The following TTC23L variants were observed in gnomAD, a reference collection of about 807,000 sequenced individuals.
The protein encoded by TTC23L is tetratricopeptide repeat domain 23 like, also known as tetratricopeptide repeat protein 23-like.
Under a neutral mutation model 48.1 loss-of-function variants are expected in TTC23L, and 42 were observed. The observed-to-expected ratio is 0.87, with a 90% confidence interval of 0.68 to 1.13. The LOEUF is 1.13. TTC23L is among the 50% of genes most tolerant of loss of function. The pLI, the probability that TTC23L is intolerant of heterozygous loss-of-function variation, is 0.00. For synonymous variants in TTC23L, 159 were observed against 157.2 expected, an observed-to-expected ratio of 1.01 and a Z score of -0.09; for missense variants, 391 against 421.0, an observed-to-expected ratio of 0.93 and a Z score of 0.62.
At chr5:34,882,054 G>C (rs779927595) in intron 9 of TTC23L, among the ~76,000 whole-genome samples, 1 of 152,074 alleles carries the variant, frequency 6.6e-6, no homozygotes, top group Non-Finnish European at 1.5e-5. Flanking sequence ...GCACCCGGCC[G>C]GTTCAGAAGA....
At chr5:34,853,654 A>G (rs567574137) in intron 4 of TTC23L, among the ~76,000 whole-genome samples, 76 of 152,324 alleles carry the variant, frequency 5.0e-4, no homozygotes, top group African/African-American at 1.7e-3. Flanking sequence ...CCGTGTCATC[A>G]AAGCCAAGGG....
chr5:34,919,900 A>G, the TTC23L span: 1 of 1,006,772 alleles, frequency 9.9e-7, no homozygotes, highest in Non-Finnish European at 1.5e-6. Flanking sequence ...TTGGAAAGTA[A>G]TTGCAACAAA....
the TTC23L span, chr5:34,913,534 A>C: frequency 6.2e-7 from 1 of 1,605,312 alleles, no homozygotes; most frequent in African/African-American, 1.3e-5. Flanking sequence ...TAATTCGAAA[A>C]GTAACAGACT....
At chr5:34,892,262 A>G (rs1403727706) in intron 9 of TTC23L, among the ~76,000 whole-genome samples, 1 of 152,194 alleles carries the variant, frequency 6.6e-6, no homozygotes. Context: ...TTTCATTGCT[A>G]GGAGCCCGAA....
intron 8 of TTC23L, among the ~76,000 whole-genome samples, chr5:34,877,138 C>T (rs1225439128): frequency 6.6e-6 from 1 of 152,178 alleles, no homozygotes; most frequent in Non-Finnish European, 1.5e-5. Context: ...GGATTTATCG[C>T]AGGTATGCAA....
intron 4 of TTC23L, chr5:34,860,647 T>C (rs1226569819): frequency 6.6e-6 from 1 of 151,266 alleles, no homozygotes; most frequent in African/African-American, 2.5e-5. Flanking sequence ...CCAGAGTCCA[T>C]TTTTCTCTTT....
chr5:34,860,921 C>T (rs766111164), intron 4 of TTC23L: 10 of 160,658 alleles, frequency 6.2e-5, no homozygotes, highest in Non-Finnish European at 1.1e-4. Flanking sequence ...GGTCAATGCC[C>T]ACATGGATAG....
chr5:34,842,173 ATATTT>A (rs1758736823), intron 2 of TTC23L, among the ~76,000 whole-genome samples: 1 of 152,258 alleles, frequency 6.6e-6, no homozygotes, highest in Admixed American at 6.5e-5. Flanking sequence ...TTTCAATACT[ATATTT>A]TATTTCAATA....
intron 1 of TTC23L, chr5:34,839,507 G>A: frequency 4.8e-6 from 2 of 419,996 alleles, no homozygotes; most frequent in South Asian, 9.9e-5. Context: ...GGGGCTCAGG[G>A]CCGTGCGGAA....
chr5:34,903,524 G>C (rs1403330302), downstream of TTC23L, among the ~76,000 whole-genome samples: 2 of 152,012 alleles, frequency 1.3e-5, no homozygotes, highest in Non-Finnish European at 2.9e-5. Context: ...CACTCTTGGT[G>C]GTATACATTC....
chr5:34,914,501 G>C, the TTC23L span: 2 of 606,456 alleles, frequency 3.3e-6, no homozygotes. Context: ...TTTGTTACCG[G>C]GAGAGAAAAA....
the TTC23L span, chr5:34,925,077 TG>T: frequency 2.7e-5 from 40 of 1,478,240 alleles, no homozygotes; most frequent in Non-Finnish European, 3.5e-5. Context: ...AAACTGAATT[TG>T]GTTTTTGCTG....
intron 9 of TTC23L, among the ~76,000 whole-genome samples, chr5:34,885,382 T>A (rs1762482548): frequency 6.6e-6 from 1 of 152,232 alleles, no homozygotes; most frequent in Non-Finnish European, 1.5e-5. Context: ...GTAAGATTTC[T>A]TGAATGATAA....
At chr5:34,846,573 AAAAATATAT>A (rs1759164666) in intron 3 of TTC23L, among the ~76,000 whole-genome samples, 1 of 114,704 alleles carries the variant, frequency 8.7e-6, no homozygotes, top group African/African-American at 4.1e-5. Flanking sequence ...AAAAAAAAAA[AAAAATATAT>A]ATATATATAT....
chr5:34,913,908 G>A, the TTC23L span: 23 of 452,688 alleles, frequency 5.1e-5, no homozygotes, highest in East Asian at 1.3e-3. Flanking sequence ...TATTGATACG[G>A]GGGTCTCACT....
the TTC23L span, among the ~76,000 whole-genome samples, chr5:34,910,818 A>G: frequency 6.6e-6 from 1 of 152,174 alleles, no homozygotes; most frequent in Non-Finnish European, 1.5e-5. Flanking sequence ...ATATTCTGAA[A>G]TATTTCAAAA....
At chr5:34,923,958 T>C in the TTC23L span, among the ~76,000 whole-genome samples, 263 of 152,340 alleles carry the variant, frequency 1.7e-3, 9 homozygotes, top group South Asian at 0.053. Flanking sequence ...ATCCATGAGA[T>C]ACTTGGGTTC....
chr5:34,880,705 C>A (rs957191607), intron 9 of TTC23L: 14 of 356,176 alleles, frequency 3.9e-5, no homozygotes, highest in Non-Finnish European at 6.9e-5. Context: ...GTGGGGCGAT[C>A]TCGGCTCACT....
the TTC23L span, chr5:34,915,034 G>A: frequency 1.2e-6 from 1 of 824,002 alleles, no homozygotes; most frequent in Admixed American, 2.6e-5. Context: ...GCTGAGAGGT[G>A]GAAAGGGGCT....
Sources: gnomAD v4.1 joint callset for allele counts (sites outside exome capture counted in the v4.1 genomes callset) on GRCh38, gnomAD v4.1.1 for gene constraint, MANE v1.5 for transcripts, NCBI Gene and HGNC (gene_info 2026-07-23, HGNC 2026-07-21) for gene names.